The following CACNA1D variants were observed in gnomAD, a reference collection of about 807,000 sequenced individuals.
CACNA1D encodes calcium voltage-gated channel subunit alpha1 D.
A neutral mutation model predicts 257.1 loss-of-function variants in CACNA1D; 55 were observed. The observed-to-expected ratio is 0.21, with a 90% confidence interval of 0.17 to 0.27. CACNA1D has a LOEUF of 0.27. Among genes scored for constraint, CACNA1D ranks in the 10% least tolerant of loss-of-function variants. The probability of loss-of-function intolerance (pLI) is 1.00; values close to 1 mark genes in which losing one functional copy is unlikely to be tolerated. For missense variants in CACNA1D, 1,876 were observed against 2,784.0 expected (o/e 0.67, Z 7.34); for synonymous variants, 980 against 1,014.9 (o/e 0.97, Z 0.65).
chr3:53,705,928 A>G (rs1467340625), intron 9 of CACNA1D, among the ~76,000 whole-genome samples: 1 of 152,224 alleles, frequency 6.6e-6, no homozygotes, highest in East Asian at 1.9e-4. Context: ...CTCCTCACCA[A>G]ATAAACAGTC....
In CACNA1D at chr3:53,661,023, A is replaced by C. The variant is rs561483997; in HGVS notation, c.766+748A>C. Reference sequence around the variant, plus strand: ...CAGGTTAAATCATACCTGAGTTGGAATAGATGCCCTGTCTGTGCCCTGGCC... The same window carrying C: ...CAGGTTAAATCATACCTGAGTTGGACTAGATGCCCTGTCTGTGCCCTGGCC... On this transcript the variant is annotated intron_variant, in intron 5 of 47. Transcript: ENST00000350061. Among the ~76,000 whole-genome samples, 219 of 152,328 alleles carry C rather than the reference A, an allele frequency of 1.4e-3. 2 individuals are homozygous for C. The highest frequency in any genetic ancestry group is 4.9e-3 in the African/African-American group (203 of 41,576).
intron 8 of CACNA1D, among the ~76,000 whole-genome samples, chr3:53,691,553 C>T (rs1197506012): frequency 6.7e-6 from 1 of 150,050 alleles, no homozygotes; most frequent in Non-Finnish European, 1.5e-5. Flanking sequence ...GAAACTAACC[C>T]TTCAAAGAGA....
chr3:53,663,777 G>A (rs544043622), intron 5 of CACNA1D, among the ~76,000 whole-genome samples: 9 of 149,476 alleles, frequency 6.0e-5, no homozygotes, highest in African/African-American at 1.5e-4. Context: ...GGAAATAATC[G>A]TCTCTCTCTC....
intron 3 of CACNA1D, among the ~76,000 whole-genome samples, chr3:53,538,932 C>G (rs2092217646): frequency 6.6e-6 from 1 of 152,144 alleles, no homozygotes. Flanking sequence ...GCAGGGGATC[C>G]CTTTCTGAAC....
At chr3:53,731,518 A>G (rs1384254057) in intron 17 of CACNA1D, among the ~76,000 whole-genome samples, 4 of 152,248 alleles carry the variant, frequency 2.6e-5, no homozygotes, top group Admixed American at 2.6e-4. Flanking sequence ...AGGTAATCCC[A>G]GGATCAGGTG....
At chr3:53,550,862 A>G (rs915506829) in intron 3 of CACNA1D, among the ~76,000 whole-genome samples, 2 of 152,238 alleles carry the variant, frequency 1.3e-5, no homozygotes, top group Non-Finnish European at 2.9e-5. Flanking sequence ...ATGAGCAATT[A>G]TATCTTTAAC....
At chr3:53,519,832 C>T (rs983051925) in intron 3 of CACNA1D, among the ~76,000 whole-genome samples, 11 of 152,180 alleles carry the variant, frequency 7.2e-5, no homozygotes, top group Non-Finnish European at 1.5e-4. Context: ...TAGCCCCAGC[C>T]CTAGGCAATT....
At chr3:53,633,740 G>A (rs968501121) in intron 3 of CACNA1D, among the ~76,000 whole-genome samples, 3 of 152,144 alleles carry the variant, frequency 2.0e-5, no homozygotes, top group Non-Finnish European at 1.5e-5. Context: ...CTGGTAATCA[G>A]GGGTAATCCT....
At chr3:53,668,779 G>A (rs1398976669) in intron 7 of CACNA1D, among the ~76,000 whole-genome samples, 1 of 152,176 alleles carries the variant, frequency 6.6e-6, no homozygotes, top group Non-Finnish European at 1.5e-5. Flanking sequence ...AGCAGCCATG[G>A]GCAATACATA....
chr3:53,622,437 G>A (rs970915297), intron 3 of CACNA1D, among the ~76,000 whole-genome samples: 5 of 152,006 alleles, frequency 3.3e-5, no homozygotes, highest in Admixed American at 6.6e-5. Context: ...AAAATAATGC[G>A]GCCATTAAAA....
At chr3:53,512,186 A>C (rs1165623347) in intron 3 of CACNA1D, among the ~76,000 whole-genome samples, 1 of 152,334 alleles carries the variant, frequency 6.6e-6, no homozygotes, top group East Asian at 1.9e-4. Context: ...TTAATGGTGA[A>C]TCTTTCTAAA....
intron 15 of CACNA1D, 88 bp from the exon 16 acceptor site, chr3:53,730,354 C>T (rs773587913): frequency 1.2e-5 from 10 of 858,080 alleles, no homozygotes; most frequent in African/African-American, 8.3e-5. Flanking sequence ...ACCAGCTTCC[C>T]GGGATGCAGA....
At chr3:53,577,363 G>C (rs1200373189) in intron 3 of CACNA1D, among the ~76,000 whole-genome samples, 1 of 152,128 alleles carries the variant, frequency 6.6e-6, no homozygotes, top group African/African-American at 2.4e-5. Flanking sequence ...CTCTCAGCAG[G>C]GGTTGTCTCT....
In CACNA1D at chr3:53,628,519, A is replaced by G. The variant is rs1046683009; in HGVS notation, c.484-22260A>G. Among the ~76,000 whole-genome samples, 15 of 152,332 alleles carry G rather than the reference A, an allele frequency of 9.8e-5. 1 individual carries two copies. The South Asian group carries it at 3.1e-3, about 32-fold the overall frequency. On this transcript the variant is annotated intron_variant, in intron 3 of 47. Transcript: ENST00000350061. ...ATTTTAACTTATTTTCACAGTGGCT[A>G]TGGGTTTTTTATAGTCTTGTAGGAA...
chr3:53,677,547 G>A (rs2094388585), intron 8 of CACNA1D, among the ~76,000 whole-genome samples: 3 of 152,246 alleles, frequency 2.0e-5, no homozygotes. Context: ...GGTGGGAAGG[G>A]TGCAGGGTAC....
intron 8 of CACNA1D, among the ~76,000 whole-genome samples, chr3:53,677,538 G>T (rs902925363): frequency 6.6e-6 from 1 of 152,270 alleles, no homozygotes; most frequent in Non-Finnish European, 1.5e-5. Context: ...ACTGGGTTAG[G>T]TGGGAAGGGT....
At chr3:53,718,596 C>CCCCCCCCCCCA (rs2108684067) in intron 10 of CACNA1D, 1 of 951,858 alleles carries the variant, frequency 1.1e-6, no homozygotes, top group Non-Finnish European at 1.6e-6. Context: ...CCCCGCCCCC[C>CCCCCCCCCCCA]GGCCCAGCAT....
At chr3:53,809,413 T>G in intron 46 of CACNA1D, 1 of 175,474 alleles carries the variant, frequency 5.7e-6, no homozygotes, top group Admixed American at 5.4e-5. Flanking sequence ...GTGGTGGGCA[T>G]GGACCTGTGC....
At chr3:53,536,760 A>G (rs1471196401) in intron 3 of CACNA1D, among the ~76,000 whole-genome samples, 1 of 152,228 alleles carries the variant, frequency 6.6e-6, no homozygotes, top group Non-Finnish European at 1.5e-5. Flanking sequence ...ACACAGCCCC[A>G]CTCATCCATT....
Sources: allele counts gnomAD v4.1 joint callset (sites outside exome capture counted in the v4.1 genomes callset), GRCh38; gene constraint gnomAD v4.1.1; transcripts MANE v1.5; gene names NCBI Gene and HGNC (gene_info 2026-07-23, HGNC 2026-07-21).